Variants in TRPC3 observed in about 807,000 individuals in gnomAD.
TRPC3 encodes transient receptor potential cation channel subfamily C member 3, also known as short transient receptor potential channel 3.
TRPC3 carries 54 observed loss-of-function variants against 90.9 expected under a neutral mutation model. The ratio of observed to expected loss-of-function variants is 0.59; its 90% CI spans 0.48 to 0.75. The LOEUF is 0.75. TRPC3 is among the 30% of genes least tolerant of loss of function. The pLI is 0.00. For synonymous variants in TRPC3, 424 were observed against 450.9 expected (o/e 0.94, Z 0.75); for missense variants, 918 against 1,194.5 (o/e 0.77, Z 3.41).
chr4:121,913,826 A>G (rs959419371), intron 4 of TRPC3, among the ~76,000 whole-genome samples: 25 of 152,242 alleles, frequency 1.6e-4, no homozygotes, highest in African/African-American at 6.0e-4. Flanking sequence ...TCAATGATGA[A>G]ATGAGATGGA....
At chr4:121,948,128 C>T (rs1166746678) in intron 1 of TRPC3, among the ~76,000 whole-genome samples, 1 of 151,542 alleles carries the variant, frequency 6.6e-6, no homozygotes, top group Admixed American at 6.6e-5. Context: ...CTTTTCCCTG[C>T]TTAACATCTC....
intron 4 of TRPC3, among the ~76,000 whole-genome samples, chr4:121,912,407 G>A (rs1409971782): frequency 6.6e-6 from 1 of 152,070 alleles, no homozygotes; most frequent in African/African-American, 2.4e-5. Flanking sequence ...AAAAGAATAT[G>A]CAAAGTCTGG....
intron 7 of TRPC3, 139 bp from the exon 8 acceptor site, chr4:121,904,656 T>C: frequency 1.9e-6 from 1 of 522,840 alleles, no homozygotes; most frequent in Non-Finnish European, 3.1e-6. Flanking sequence ...CAGGATTACT[T>C]TGTTATGACA....
At chr4:121,885,137 A>G (rs990829983) in intron 10 of TRPC3, among the ~76,000 whole-genome samples, 3 of 152,200 alleles carry the variant, frequency 2.0e-5, no homozygotes, top group African/African-American at 7.2e-5. Flanking sequence ...TTAGACAGAA[A>G]TCAGTTTCGC....
chr4:121,881,081 G>A (rs893033076), intron 11 of TRPC3, among the ~76,000 whole-genome samples: 5 of 151,968 alleles, frequency 3.3e-5, no homozygotes, highest in African/African-American at 4.8e-5. Flanking sequence ...CAGTACCGCA[G>A]GAGACCCCCT....
chr4:121,946,019 A>C (rs1384329119), intron 1 of TRPC3, among the ~76,000 whole-genome samples: 1 of 152,210 alleles, frequency 6.6e-6, no homozygotes, highest in Admixed American at 6.5e-5. Context: ...GATAGAGACA[A>C]GGAAATAGAA....
intron 1 of TRPC3, among the ~76,000 whole-genome samples, chr4:121,945,576 CA>C (rs79747078): frequency 6.6e-6 from 1 of 151,644 alleles, no homozygotes; most frequent in African/African-American, 2.4e-5. Context: ...AAATTGAAAG[CA>C]AAAAAAATTC....
chr4:121,923,326 A>C (rs1729592027), intron 3 of TRPC3, among the ~76,000 whole-genome samples: 1 of 152,186 alleles, frequency 6.6e-6, no homozygotes, highest in Non-Finnish European at 1.5e-5. Flanking sequence ...TTTTGGAAGC[A>C]CAGCTTAGAT....
intron 4 of TRPC3, among the ~76,000 whole-genome samples, chr4:121,912,326 G>A (rs975859425): frequency 1.3e-5 from 2 of 152,048 alleles, no homozygotes; most frequent in African/African-American, 4.8e-5. Flanking sequence ...TTGTCTTAGG[G>A]TAGACTGCAT....
At chr4:121,904,648 G>A in intron 7 of TRPC3, 131 bp from the exon 8 acceptor site, 1 of 530,246 alleles carries the variant, frequency 1.9e-6, no homozygotes, top group Non-Finnish European at 3.1e-6. Flanking sequence ...TCCAAGAGCA[G>A]GATTACTTTG....
intron 1 of TRPC3, among the ~76,000 whole-genome samples, chr4:121,934,471 T>C (rs1244379942): frequency 3.3e-5 from 5 of 152,216 alleles, no homozygotes; most frequent in Non-Finnish European, 7.3e-5. Flanking sequence ...TTTGGTGGGA[T>C]GAATTGTACC....
chr4:121,948,163 T>C (rs1730555521), intron 1 of TRPC3, among the ~76,000 whole-genome samples: 1 of 117,140 alleles, frequency 8.5e-6, no homozygotes, highest in South Asian at 3.1e-4. Context: ...GATCATTCAC[T>C]ATTCCTTTAA....
At chr4:121,934,387 A>T (rs1730060264) in intron 1 of TRPC3, among the ~76,000 whole-genome samples, 1 of 152,206 alleles carries the variant, frequency 6.6e-6, no homozygotes, top group Non-Finnish European at 1.5e-5. Context: ...TGTTGCACAA[A>T]TATTGTATAA....
intron 3 of TRPC3, among the ~76,000 whole-genome samples, chr4:121,916,670 G>A (rs1261748186): frequency 2.0e-5 from 3 of 152,080 alleles, no homozygotes; most frequent in South Asian, 4.1e-4. Context: ...TCTTCACTAT[G>A]CTGGCATCCT....
intron 2 of TRPC3, among the ~76,000 whole-genome samples, chr4:121,928,395 C>T (rs1056057816): frequency 1.1e-4 from 16 of 152,126 alleles, no homozygotes; most frequent in African/African-American, 3.4e-4. Flanking sequence ...TCATTGGATA[C>T]CATTTTTTAA....
At chr4:121,937,552 C>T (rs1422959948) in intron 1 of TRPC3, among the ~76,000 whole-genome samples, 1 of 152,186 alleles carries the variant, frequency 6.6e-6, no homozygotes, top group Non-Finnish European at 1.5e-5. Flanking sequence ...AATGTCAAGA[C>T]CTTGCTTTTA....
intron 3 of TRPC3, among the ~76,000 whole-genome samples, chr4:121,915,512 G>A (rs959997301): frequency 5.3e-5 from 8 of 152,176 alleles, no homozygotes; most frequent in Non-Finnish European, 1.2e-4. Context: ...ATTATGCTGG[G>A]TCTACACATG....
At chr4:121,909,326 G>A (rs1046763977) in intron 6 of TRPC3, among the ~76,000 whole-genome samples, 1 of 152,044 alleles carries the variant, frequency 6.6e-6, no homozygotes, top group African/African-American at 2.4e-5. Context: ...CTATAAAAAA[G>A]TATTCTTCAC....
chr4:121,906,256 G>T (rs754978587), intron 7 of TRPC3, among the ~76,000 whole-genome samples: 1 of 152,094 alleles, frequency 6.6e-6, no homozygotes, highest in Non-Finnish European at 1.5e-5. Context: ...TCAAATCCAC[G>T]TCTGCATGAT....
Sources: gnomAD v4.1 joint callset for allele counts (sites outside exome capture counted in the v4.1 genomes callset) on GRCh38, gnomAD v4.1.1 for gene constraint, MANE v1.5 for transcripts, NCBI Gene and HGNC (gene_info 2026-07-23, HGNC 2026-07-21) for gene names.